The following GNAO1 variants were observed in gnomAD, a reference collection of about 807,000 sequenced individuals.
GNAO1 encodes G protein subunit alpha o1.
For missense variants in GNAO1, 166 were observed against 478.7 expected, an observed-to-expected ratio of 0.35 and a Z score of 6.10; for synonymous variants, 164 against 180.7, an observed-to-expected ratio of 0.91 and a Z score of 0.74.
chr16:56,241,562 G>A (rs1250455861), intron 2 of GNAO1, among the ~76,000 whole-genome samples: 1 of 152,106 alleles, frequency 6.6e-6, no homozygotes, highest in African/African-American at 2.4e-5. Flanking sequence ...TTTAAAGCAG[G>A]TGATACCATT....
chr16:56,213,301 G>C (rs1567440511), intron 2 of GNAO1: 2 of 398,128 alleles, frequency 5.0e-6, no homozygotes, highest in Non-Finnish European at 8.8e-6. Flanking sequence ...TCTGTACCGA[G>C]CACCATCTTA....
chr16:56,349,219 C>A (rs1319717504), intron 6 of GNAO1, among the ~76,000 whole-genome samples: 1 of 152,260 alleles, frequency 6.6e-6, no homozygotes, highest in African/African-American at 2.4e-5. Flanking sequence ...TCCCCACTCC[C>A]AGCTCAGGTC....
Position 56,354,257 on chromosome 16 carries a change from G to A in GNAO1, c.878-609G>A, listed in dbSNP as rs1443615383. ...ATCTGTGGCCACTGCTGTCCCAGGC[G>A]GGGCTTCCGGGTGGATCTGGTGTGA... On this transcript the variant is annotated intron_variant, in intron 7 of 8. Transcript: ENST00000262493. This position sits in a 1 kb window ranked among gnomAD's most constrained non-coding sequence, Gnocchi z 4.3. Among the ~76,000 whole-genome samples the A allele has an allele frequency of 6.6e-6, 1 of 152,240 alleles. No homozygotes were observed. Among genetic ancestry groups the A allele is most frequent in the African/African-American group, 2.4e-5 (1 of 41,458 alleles).
At chr16:56,246,504 C>CA (rs140356515) in intron 2 of GNAO1, among the ~76,000 whole-genome samples, 12,590 of 152,262 alleles carry the variant, frequency 0.083, 569 homozygotes, top group African/African-American at 0.11. Flanking sequence ...ACTGGACGAT[C>CA]AAGTTCAGTG....
intron 2 of GNAO1, among the ~76,000 whole-genome samples, chr16:56,275,312 T>C (rs1027867027): frequency 2.6e-5 from 4 of 152,246 alleles, no homozygotes; most frequent in Admixed American, 2.6e-4. Flanking sequence ...CTGAAAGTTG[T>C]GATGTCCCCT....
At chr16:56,229,961 C>T (rs2036573010) in intron 2 of GNAO1, among the ~76,000 whole-genome samples, 1 of 152,128 alleles carries the variant, frequency 6.6e-6, no homozygotes, top group Non-Finnish European at 1.5e-5. Context: ...CTGTAGCAGT[C>T]CACCTCAAGC....
chr16:56,297,538 T>TGTGC (rs2037299857), intron 3 of GNAO1, among the ~76,000 whole-genome samples: 1 of 150,354 alleles, frequency 6.7e-6, no homozygotes, highest in African/African-American at 2.5e-5. Context: ...TGTGTGTGTG[T>TGTGC]GTGTGTGTGT....
intron 2 of GNAO1, among the ~76,000 whole-genome samples, chr16:56,242,651 C>T (rs1159992195): frequency 1.3e-5 from 2 of 152,052 alleles, no homozygotes; most frequent in African/African-American, 4.8e-5. Context: ...TTATCTCACA[C>T]CATATACAAA....
Position 56,332,555 on chromosome 16 carries a change from C to T in GNAO1, c.465-2174C>T, listed in dbSNP as rs1341848192. On this transcript the variant is annotated intron_variant, in intron 4 of 8. Transcript: ENST00000262493. Reference sequence around the variant, plus strand: ...TTACCACCTCACACACGTGTGCACACTCACTTGGAACACAGGCCCTGGGAA... The same window carrying T: ...TTACCACCTCACACACGTGTGCACATTCACTTGGAACACAGGCCCTGGGAA... 2.6e-5 allele frequency among the ~76,000 whole-genome samples: 4 copies of T among 152,264 alleles called. No individual in the cohort carries two copies. The East Asian group carries it at 7.7e-4, about 29-fold the overall frequency.
chr16:56,348,087 G>C, intron 6 of GNAO1: 3 of 966,004 alleles, frequency 3.1e-6, no homozygotes, highest in Non-Finnish European at 3.7e-6. Context: ...CTGTAATTTT[G>C]TAAGAAGAGT....
chr16:56,276,362 C>G (rs1377499211), intron 3 of GNAO1: 1 of 274,530 alleles, frequency 3.6e-6, no homozygotes, highest in Admixed American at 4.9e-5. Flanking sequence ...ACAACACTGT[C>G]TAAGTACCTG....
chr16:56,292,373 T>C (rs1391897334), intron 3 of GNAO1, among the ~76,000 whole-genome samples: 1 of 152,200 alleles, frequency 6.6e-6, no homozygotes, highest in Admixed American at 6.5e-5. Flanking sequence ...AATTTGGATT[T>C]TTTTTTAAGA....
intron 2 of GNAO1, among the ~76,000 whole-genome samples, chr16:56,218,705 G>A (rs1341910682): frequency 1.3e-5 from 2 of 152,110 alleles, no homozygotes; most frequent in Non-Finnish European, 2.9e-5. Flanking sequence ...TCTTCCATCC[G>A]TGTTTGTAAG....
intron 3 of GNAO1, among the ~76,000 whole-genome samples, chr16:56,291,157 G>A (rs1219014797): frequency 2.0e-5 from 3 of 152,290 alleles, no homozygotes; most frequent in Admixed American, 6.5e-5. Context: ...TGGTTCATAA[G>A]GTAGTTCCAT....
intron 7 of GNAO1, chr16:56,352,707 C>T (rs566744159): frequency 6.6e-6 from 1 of 152,470 alleles, no homozygotes; most frequent in African/African-American, 2.4e-5. Flanking sequence ...GAAGGGCTGT[C>T]AGCTTGTTCT....
intron 6 of GNAO1, chr16:56,343,763 G>T (rs577181880): frequency 1.2e-6 from 2 of 1,611,366 alleles, no homozygotes; most frequent in Non-Finnish European, 1.7e-6. Context: ...TGCTCTGCAG[G>T]CCCCAGCGCC....
intron 2 of GNAO1, among the ~76,000 whole-genome samples, chr16:56,196,341 C>T (rs2036233076): frequency 6.6e-6 from 1 of 152,078 alleles, no homozygotes; most frequent in Non-Finnish European, 1.5e-5. Context: ...GTGACCTCAC[C>T]TGTGATACAG....
chr16:56,303,711 T>C (rs2037366113), intron 3 of GNAO1, among the ~76,000 whole-genome samples: 1 of 152,152 alleles, frequency 6.6e-6, no homozygotes, highest in African/African-American at 2.4e-5. Context: ...ATTTGTCTTG[T>C]GTGCTTGCTA....
At chr16:56,275,388 A>G (rs1226592136) in intron 2 of GNAO1, among the ~76,000 whole-genome samples, 2 of 152,226 alleles carry the variant, frequency 1.3e-5, no homozygotes, top group African/African-American at 2.4e-5. Context: ...AATCCTAGCC[A>G]AGGATGAAAA....
Sources: allele counts gnomAD v4.1 joint callset (sites outside exome capture counted in the v4.1 genomes callset), GRCh38; gene constraint gnomAD v4.1.1; non-coding constraint Gnocchi (gnomAD v3.1); transcripts MANE v1.5; gene names NCBI Gene and HGNC (gene_info 2026-07-23, HGNC 2026-07-21).